The following SCARB2 variants were observed in gnomAD, a reference collection of about 807,000 sequenced individuals.
SCARB2 encodes the protein lysosome membrane protein 2.
SCARB2 carries 29 observed loss-of-function variants against 58.6 expected under a neutral mutation model. The ratio of observed to expected loss-of-function variants is 0.49; its 90% CI spans 0.37 to 0.67. The LOEUF (loss-of-function observed/expected upper bound fraction) is 0.67. Among genes scored for constraint, SCARB2 ranks in the 30% least tolerant of loss-of-function variants. SCARB2 has a pLI of 0.00. For synonymous variants in SCARB2, 195 were observed against 210.1 expected (o/e 0.93, Z 0.62); for missense variants, 488 against 578.5 (o/e 0.84, Z 1.60).
chr4:76,217,311 T>A (rs1399293588), upstream of SCARB2, among the ~76,000 whole-genome samples: 2 of 152,182 alleles, frequency 1.3e-5, no homozygotes, highest in Non-Finnish European at 2.9e-5. Flanking sequence ...TCAGGACTCT[T>A]CCTGGTGACT....
At chr4:76,188,905 A>G (rs1732543507) in intron 2 of SCARB2, among the ~76,000 whole-genome samples, 1 of 152,204 alleles carries the variant, frequency 6.6e-6, no homozygotes, top group Admixed American at 6.5e-5. Context: ...TATTCCTAAC[A>G]AAGCCATTCA....
intron 1 of SCARB2, among the ~76,000 whole-genome samples, chr4:76,224,230 G>T (rs529692839): frequency 6.6e-6 from 1 of 152,298 alleles, no homozygotes; most frequent in South Asian, 2.1e-4. Flanking sequence ...GTCACACATA[G>T]TTCATCCGAA....
chr4:76,229,691 CTT>C (rs1733460720), intron 1 of SCARB2, among the ~76,000 whole-genome samples: 1 of 152,180 alleles, frequency 6.6e-6, no homozygotes, highest in Non-Finnish European at 1.5e-5. Flanking sequence ...TGTGATCCAT[CTT>C]CAGGTTTCCC....
In SCARB2 at chr4:76,225,549, A is replaced by C. The variant is rs2058881428; in HGVS notation, c.-358+8754T>G. On this transcript the variant is annotated intron_variant, in intron 1 of 11. Transcript: ENST00000638295. ...TGTCATAGATGGCTTTTATTACCTT[A>C]AGGTATGCCCCTTCTATTTCGATTT... 5.9e-5 allele frequency among the ~76,000 whole-genome samples: 9 copies of C among 152,262 alleles called. No individual in the cohort carries two copies. In the South Asian group the frequency reaches 1.9e-3, roughly 32 times the overall value.
intron 1 of SCARB2, among the ~76,000 whole-genome samples, chr4:76,205,930 G>T (rs1336416511): frequency 6.6e-6 from 1 of 152,186 alleles, no homozygotes; most frequent in African/African-American, 2.4e-5. Flanking sequence ...GGCCTTGGGA[G>T]CCAATAAGGG....
chr4:76,167,608 A>C (rs559262031), intron 9 of SCARB2, among the ~76,000 whole-genome samples: 1 of 151,682 alleles, frequency 6.6e-6, no homozygotes, highest in Non-Finnish European at 1.5e-5. Context: ...CAGAACTGTA[A>C]GCCAATTAAA....
At chr4:76,166,396 C>A in intron 9 of SCARB2, 95 bp from the exon 10 acceptor site, 1 of 1,287,338 alleles carries the variant, frequency 7.8e-7, no homozygotes, top group Non-Finnish European at 1.1e-6. Flanking sequence ...TTCTAGTACA[C>A]TTATTTCTTA....
In SCARB2 at chr4:76,163,298, A is replaced by G. The variant is rs1064794450; in HGVS notation, c.1325T>C (p.Ile442Thr). 1.5e-5 allele frequency: 24 copies of G among 1,614,076 alleles called. No individual in the cohort carries two copies. In the Admixed American group the frequency reaches 1.8e-4, roughly 12 times the overall value. The change falls in exon 11 of 12, where the codon ATC (isoleucine) becomes ACC (threonine). Residue 442 changes from isoleucine (I) to threonine (T), a missense_variant. Coordinates refer to ENST00000264896, the MANE Select transcript of SCARB2 (RefSeq NM_005506.4). ...TLIITNIPYI[I>T]MALGVFFGLV... ...ACCAAAGAACACACCCAGCGCCATGATGATGTAGGGTATGTTGGTGATGAT... is the reference window on the plus strand; with the variant it reads ...ACCAAAGAACACACCCAGCGCCATGGTGATGTAGGGTATGTTGGTGATGAT...
chr4:76,197,840 T>C (rs1214791950), intron 1 of SCARB2, among the ~76,000 whole-genome samples: 1 of 152,164 alleles, frequency 6.6e-6, no homozygotes, highest in Non-Finnish European at 1.5e-5. Context: ...TTTGTTTGGA[T>C]TTTTACACCA....
chr4:76,197,758 T>G (rs921630120), intron 1 of SCARB2, among the ~76,000 whole-genome samples: 6 of 152,188 alleles, frequency 3.9e-5, no homozygotes, highest in Non-Finnish European at 2.9e-5. Flanking sequence ...AAATGTGAAC[T>G]TTGAGTGTCG....
intron 5 of SCARB2, 118 bp downstream of exon 5, chr4:76,176,319 A>C: frequency 1.5e-6 from 1 of 684,128 alleles, no homozygotes. Context: ...GACTATTTAC[A>C]TGTTTTTATA....
At position 76,173,730 on chromosome 4, in the gene SCARB2, A is replaced by G. The variant is rs543192470; in HGVS notation, c.994+414T>C. The G allele has an allele frequency of 2.7e-5, 7 of 260,536 alleles. No homozygotes were observed. In the East Asian group the frequency reaches 6.9e-4, roughly 26 times the overall value. The allele number at this position is 260,536 out of a possible 1,614,324, so 16.1% of individuals were successfully genotyped here. On this transcript the variant is annotated intron_variant, in intron 7 of 11. Transcript: ENST00000264896. ...GCACTTAGGACAGTGACTGGCATAC[A>G]TCAGGTGCTTAGTAAACATGAGCTA... is the stretch of plus-strand genomic sequence containing the variant.
At chr4:76,232,020 G>A (rs1733502331) in intron 1 of SCARB2, among the ~76,000 whole-genome samples, 1 of 152,172 alleles carries the variant, frequency 6.6e-6, no homozygotes, top group Non-Finnish European at 1.5e-5. Context: ...TTGCACTGAT[G>A]TAAACAACTA....
chr4:76,189,378 A>G (rs1239674635), intron 2 of SCARB2, among the ~76,000 whole-genome samples: 4 of 152,248 alleles, frequency 2.6e-5, no homozygotes, highest in African/African-American at 9.6e-5. Flanking sequence ...GGGAGGCCTC[A>G]GGAAACTTAC....
intron 10 of SCARB2, 168 bp from the exon 11 acceptor site, chr4:76,163,551 T>G (rs955292160): frequency 1.5e-6 from 1 of 686,050 alleles, no homozygotes; most frequent in Non-Finnish European, 2.5e-6. Flanking sequence ...GGACATTTAT[T>G]CATTAATATC....
intron 1 of SCARB2, among the ~76,000 whole-genome samples, chr4:76,229,232 T>C (rs1325589997): frequency 6.6e-6 from 1 of 152,224 alleles, no homozygotes; most frequent in Non-Finnish European, 1.5e-5. Flanking sequence ...TGGAAAATTG[T>C]TCATCCATGT....
At chr4:76,228,962 A>G (rs1004180181) in intron 1 of SCARB2, among the ~76,000 whole-genome samples, 1 of 152,170 alleles carries the variant, frequency 6.6e-6, no homozygotes, top group Non-Finnish European at 1.5e-5. Flanking sequence ...CTTCCACAGG[A>G]ACACCAATTA....
At chr4:76,174,045 G>A in intron 7 of SCARB2, 99 bp downstream of exon 7, 1 of 1,428,576 alleles carries the variant, frequency 7.0e-7, no homozygotes, top group Non-Finnish European at 9.8e-7. Context: ...AGCTGGGACT[G>A]TAGGTGTGCG....
At chr4:76,199,681 T>G (rs1028139019) in intron 1 of SCARB2, among the ~76,000 whole-genome samples, 1 of 152,222 alleles carries the variant, frequency 6.6e-6, no homozygotes, top group Non-Finnish European at 1.5e-5. Context: ...AAGCCATAAG[T>G]TGGACTCTGA....
Sources: allele counts gnomAD v4.1 joint callset (sites outside exome capture counted in the v4.1 genomes callset), GRCh38; gene constraint gnomAD v4.1.1; transcripts MANE v1.5; gene names NCBI Gene and HGNC (gene_info 2026-07-23, HGNC 2026-07-21).